CECR2: variants seen among roughly 807,000 people sequenced by gnomAD.
CECR2 encodes the protein chromatin remodeling regulator CECR2.
In CECR2, 30 loss-of-function variants were observed where a neutral mutation model predicts 154.5. The observed-to-expected ratio is 0.19, with a 90% CI of 0.15 to 0.26. The LOEUF is 0.26. Ranked by LOEUF, CECR2 falls within the 10% of genes least tolerant of loss-of-function variation. The pLI is 1.00. For missense variants in CECR2, 1,743 were observed against 1,829.3 expected, an observed-to-expected ratio of 0.95 and a Z score of 0.86; for synonymous variants, 725 against 683.7, an observed-to-expected ratio of 1.06 and a Z score of -0.94.
Position 17,542,431 on chromosome 22 carries a change from A to T in CECR2, c.2288A>T (p.Tyr763Phe). 1 of 1,613,908 alleles carries T rather than the reference A, an allele frequency of 6.2e-7. No homozygotes were observed. Among genetic ancestry groups the T allele is most frequent in the Non-Finnish European group, 8.5e-7 (1 of 1,179,880 alleles). ...EIPPSHMYRS[Y>F]KYLNRVHSAV... ...CCTCCCAGCCATATGTATCGATCGTACAAGTACCTGAATCGAGTACACTCT... is the reference window on the plus strand; with the variant it reads ...CCTCCCAGCCATATGTATCGATCGTTCAAGTACCTGAATCGAGTACACTCT... Residue 763 changes from tyrosine (Y) to phenylalanine (F), a missense_variant, in exon 16 of 19, where the codon TAC becomes TTC. Coordinates refer to ENST00000262608, the MANE Select transcript of CECR2 (RefSeq NM_001290047.2).
chr22:17,431,656 T>C (rs1190815320), intron 1 of CECR2, among the ~76,000 whole-genome samples: 1 of 152,162 alleles, frequency 6.6e-6, no homozygotes, highest in Non-Finnish European at 1.5e-5. Context: ...ATTTTGAATT[T>C]ATATTTTGAA....
intron 1 of CECR2, among the ~76,000 whole-genome samples, chr22:17,429,545 C>A (rs2522312): frequency 0.52 from 68,741 of 132,874 alleles, 19,158 homozygotes; most frequent in African/African-American, 0.7. Context: ...CTACCAAAAA[C>A]AAAAACAAAA....
chr22:17,541,728 A>G (rs2056525473), intron 14 of CECR2, 111 bp from the exon 15 acceptor site: 2 of 1,317,978 alleles, frequency 1.5e-6, no homozygotes, highest in Non-Finnish European at 1.0e-6. Context: ...GCCGAGGTTT[A>G]GTCGTCTGTT....
intron 1 of CECR2, among the ~76,000 whole-genome samples, chr22:17,437,778 A>T (rs544723231): frequency 6.6e-6 from 1 of 152,334 alleles, no homozygotes; most frequent in South Asian, 2.1e-4. Context: ...GGTGAGCATC[A>T]CTGCTTCTTA....
intron 7 of CECR2, among the ~76,000 whole-genome samples, chr22:17,511,159 G>A (rs1227850440): frequency 2.0e-5 from 3 of 152,180 alleles, no homozygotes; most frequent in Non-Finnish European, 4.4e-5. Context: ...GTGATGCCAT[G>A]GGGCTCATTC....
intron 1 of CECR2, among the ~76,000 whole-genome samples, chr22:17,420,258 C>A (rs544253948): frequency 1.3e-5 from 2 of 152,090 alleles, no homozygotes; most frequent in Non-Finnish European, 2.9e-5. Context: ...CTTTAGATTG[C>A]GATGGATTCC....
intron 1 of CECR2, among the ~76,000 whole-genome samples, chr22:17,382,177 A>G (rs770844855): frequency 6.6e-6 from 1 of 152,010 alleles, no homozygotes; most frequent in Non-Finnish European, 1.5e-5. Flanking sequence ...GGCGTGAGCC[A>G]CTGTGCCCGG....
At chr22:17,547,038 CA>C (rs1167599171) in intron 16 of CECR2, among the ~76,000 whole-genome samples, 889 of 53,802 alleles carry the variant, frequency 0.017, 3 homozygotes, top group African/African-American at 0.047. Context: ...GACTCTGCCT[CA>C]AAAAAAAAAA....
chr22:17,509,061 G>T (rs2055895404), intron 7 of CECR2, among the ~76,000 whole-genome samples: 1 of 152,132 alleles, frequency 6.6e-6, no homozygotes, highest in East Asian at 1.9e-4. Context: ...GACCAGCCTG[G>T]CCAACATGGC....
At chr22:17,400,066 A>T (rs749630049) in intron 1 of CECR2, among the ~76,000 whole-genome samples, 2 of 152,156 alleles carry the variant, frequency 1.3e-5, no homozygotes, top group East Asian at 1.9e-4. Context: ...ATTACTTTTT[A>T]AAAAATCTGA....
chr22:17,418,508 A>T (rs1052663432), intron 1 of CECR2, among the ~76,000 whole-genome samples: 1 of 152,150 alleles, frequency 6.6e-6, no homozygotes, highest in Non-Finnish European at 1.5e-5. Flanking sequence ...ATCCGTTCAC[A>T]TACTTTCCTA....
rs1601473806 is a variant in CECR2 at position 17,504,474 on chromosome 22, T to A, written c.701-373T>A. On this transcript the variant is annotated intron_variant, in intron 6 of 18. Transcript: ENST00000262608. ...TTATTTGAGACGGAGTCTCACTCTG[T>A]CGCCCAGGCTGGAGTGCAGTGGCGT... Among the ~76,000 whole-genome samples, 2 of 152,116 alleles carry A rather than the reference T, an allele frequency of 1.3e-5. 1 individual carries two copies. The highest frequency in any genetic ancestry group is 3.9e-4 in the East Asian group (2 of 5,176).
chr22:17,362,827 G>A (rs7291843), intron 1 of CECR2, among the ~76,000 whole-genome samples: 1 of 148,682 alleles, frequency 6.7e-6, no homozygotes, highest in Non-Finnish European at 1.5e-5. Flanking sequence ...GCTTGAACCT[G>A]GGAGGCAGAG....
chr22:17,404,074 G>T (rs909759226), intron 1 of CECR2, among the ~76,000 whole-genome samples: 1 of 151,714 alleles, frequency 6.6e-6, no homozygotes, highest in Non-Finnish European at 1.5e-5. Context: ...TCCAGCCAAT[G>T]TGGTGAAACC....
chr22:17,386,199 G>A (rs2063258834), intron 1 of CECR2, among the ~76,000 whole-genome samples: 1 of 152,128 alleles, frequency 6.6e-6, no homozygotes, highest in Admixed American at 6.5e-5. Context: ...CTTTGAGTTG[G>A]TGATTTGAAG....
chr22:17,486,544 C>T (rs1056556499), intron 2 of CECR2, among the ~76,000 whole-genome samples: 2 of 152,182 alleles, frequency 1.3e-5, no homozygotes, highest in Non-Finnish European at 2.9e-5. Flanking sequence ...CTGGGAAAGC[C>T]CACATGGCTG....
intron 1 of CECR2, among the ~76,000 whole-genome samples, chr22:17,405,885 A>G (rs1334191726): frequency 1.3e-5 from 2 of 152,180 alleles, no homozygotes; most frequent in East Asian, 3.8e-4. Context: ...TCTAGAGCCA[A>G]CCATAAAATG....
intron 9 of CECR2, among the ~76,000 whole-genome samples, chr22:17,536,841 C>G (rs2056444555): frequency 6.6e-6 from 1 of 152,156 alleles, no homozygotes; most frequent in African/African-American, 2.4e-5. Context: ...CCTGCCCACC[C>G]TGTGCCTGCC....
intron 1 of CECR2, among the ~76,000 whole-genome samples, chr22:17,414,593 G>T (rs1453679128): frequency 5.3e-5 from 8 of 150,144 alleles, no homozygotes; most frequent in Non-Finnish European, 1.0e-4. Flanking sequence ...GTATACGTGT[G>T]CCATGTTGGT....
Sources: gnomAD v4.1 joint callset for allele counts (sites outside exome capture counted in the v4.1 genomes callset) on GRCh38, gnomAD v4.1.1 for gene constraint, MANE v1.5 for transcripts, NCBI Gene and HGNC (gene_info 2026-07-23, HGNC 2026-07-21) for gene names.